Variants in YWHAQ observed in about 807,000 individuals in gnomAD.
The protein encoded by YWHAQ is 14-3-3 protein theta.
In YWHAQ, 6 loss-of-function variants were observed where a neutral mutation model predicts 28.3. The ratio of observed to expected loss-of-function variants is 0.21; its 90% CI spans 0.12 to 0.42. YWHAQ has a LOEUF of 0.42. Ranked by LOEUF, YWHAQ falls within the 10% of genes least tolerant of loss-of-function variation. The pLI is 1.00. For missense variants in YWHAQ, 201 were observed against 305.6 expected, an observed-to-expected ratio of 0.66 and a Z score of 2.55; for synonymous variants, 143 against 119.1, an observed-to-expected ratio of 1.20 and a Z score of -1.31.
At chr2:9,588,383 A>G in intron 3 of YWHAQ, 55 bp from the exon 4 acceptor site, 1 of 1,572,056 alleles carries the variant, frequency 6.4e-7, no homozygotes, top group Non-Finnish European at 8.6e-7. Context: ...TCCAGTACAC[A>G]GTACATTAAC....
At chr2:9,622,922 C>A (rs538891337) in intron 2 of YWHAQ, among the ~76,000 whole-genome samples, 1 of 152,268 alleles carries the variant, frequency 6.6e-6, no homozygotes, top group East Asian at 1.9e-4. Flanking sequence ...TCCCTGATAT[C>A]CAGAAAGTCA....
chr2:9,602,642 T>C lies in YWHAQ; in HGVS notation c.295-11127A>G, dbSNP rs1208399188. Among the ~76,000 whole-genome samples the C allele has an allele frequency of 3.3e-5, 5 of 150,638 alleles. No individual in the cohort carries two copies. The East Asian group carries it at 9.9e-4, about 30-fold the overall frequency. On this transcript the variant is annotated intron_variant, in intron 2 of 5. Coordinates refer to ENST00000238081, the MANE Select transcript of YWHAQ (RefSeq NM_006826.4). ...TTACTGCATCCTTGAACTCCTGGAC[T>C]CAAGGGATCCTCCCACCTTAGCCCT...
chr2:9,587,374 T>G (rs1409194056), intron 5 of YWHAQ, 40 bp downstream of exon 5: 2 of 1,554,930 alleles, frequency 1.3e-6, no homozygotes, highest in South Asian at 2.4e-5. Context: ...ATACTTTTGT[T>G]TCTGAAAAGA....
intron 2 of YWHAQ, among the ~76,000 whole-genome samples, chr2:9,593,183 CTTGT>C (rs1666491962): frequency 6.7e-6 from 1 of 150,174 alleles, no homozygotes; most frequent in Admixed American, 6.6e-5. Flanking sequence ...GAACTTTCTT[CTTGT>C]TTATCTGACT....
chr2:9,603,270 A>AT (rs149708531), intron 2 of YWHAQ, among the ~76,000 whole-genome samples: 1,677 of 128,724 alleles, frequency 0.013, 12 homozygotes, highest in Non-Finnish European at 0.018. Context: ...TCTCCCTTGA[A>AT]TTTTTTTTTT....
chr2:9,629,469 G>A (rs534491870), intron 2 of YWHAQ, among the ~76,000 whole-genome samples: 1 of 152,188 alleles, frequency 6.6e-6, no homozygotes, highest in African/African-American at 2.4e-5. Context: ...AACCTGGAAA[G>A]CTTTCCTTGT....
chr2:9,628,415 C>G (rs1667289359), intron 2 of YWHAQ, among the ~76,000 whole-genome samples: 1 of 152,178 alleles, frequency 6.6e-6, no homozygotes, highest in Admixed American at 6.5e-5. Flanking sequence ...CGACTTACGC[C>G]ATCATAAAAA....
chr2:9,594,877 T>G (rs555502835), intron 2 of YWHAQ, among the ~76,000 whole-genome samples: 2 of 152,324 alleles, frequency 1.3e-5, no homozygotes, highest in South Asian at 4.1e-4. Context: ...GCTAGATGTG[T>G]GGGTGTTCTC....
intron 5 of YWHAQ, among the ~76,000 whole-genome samples, chr2:9,586,351 G>C (rs1666343989): frequency 6.6e-6 from 1 of 152,160 alleles, no homozygotes; most frequent in Non-Finnish European, 1.5e-5. Flanking sequence ...CCAACAGCAA[G>C]ACATTAGTGT....
intron 2 of YWHAQ, among the ~76,000 whole-genome samples, chr2:9,629,297 C>G (rs550155040): frequency 4.6e-5 from 7 of 152,286 alleles, no homozygotes; most frequent in African/African-American, 1.4e-4. Flanking sequence ...TAAAAACACT[C>G]CTGGATATAA....
In YWHAQ at chr2:9,630,245, C is replaced by G; in HGVS notation, c.208G>C (p.Asp70His). 6.2e-7 allele frequency: 1 copy of G among 1,614,148 alleles called. No homozygotes were observed. The highest frequency in any genetic ancestry group is 8.5e-7 in the Non-Finnish European group (1 of 1,180,044). Residue 70 changes from aspartate (D) to histidine (H), a missense_variant, in exon 2 of 6, where the codon GAC becomes CAC. Coordinates refer to ENST00000238081, the MANE Select transcript of YWHAQ (RefSeq NM_006826.4). This position sits in a 1 kb window ranked among gnomAD's most constrained non-coding sequence, Gnocchi z 5.6. ...RVISSIEQKT[D>H]TSDKKLQLIK... The stretch of plus-strand genomic sequence containing the variant: ...AGCTGCAACTTCTTGTCGGAGGTGT[C>G]GGTCTTCTGCTCGATGCTAGAGATG...
chr2:9,592,569 CA>C (rs2125063306), intron 2 of YWHAQ, among the ~76,000 whole-genome samples: 1 of 151,786 alleles, frequency 6.6e-6, no homozygotes, highest in East Asian at 1.9e-4. Flanking sequence ...ACTAAAAATA[CA>C]AAAAATTAGC....
At chr2:9,629,001 A>G (rs1286458255) in intron 2 of YWHAQ, 1 of 105,384 alleles carries the variant, frequency 9.5e-6, no homozygotes, top group Non-Finnish European at 1.8e-5. Flanking sequence ...TTTTTAAACA[A>G]GGGGTGGGGA....
In YWHAQ at chr2:9,630,146, G is replaced by A; in HGVS notation, c.294+13C>T. The A allele has an allele frequency of 6.2e-7, 1 of 1,602,466 alleles. No individual in the cohort carries two copies. Among genetic ancestry groups the A allele is most frequent in the Non-Finnish European group, 8.5e-7 (1 of 1,171,306 alleles). The stretch of plus-strand genomic sequence containing the variant: ...ACAAAAGGCCTCCCCTGCTCCCCGC[G>A]CCGAGGACTCACCAGCACCGTGGTG... On this transcript the variant is annotated intron_variant, in intron 2 of 5. Coordinates refer to ENST00000238081, the MANE Select transcript of YWHAQ (RefSeq NM_006826.4). The surrounding 1 kb of genome is among the most constrained non-coding windows in gnomAD (Gnocchi z 5.6).
intron 2 of YWHAQ, among the ~76,000 whole-genome samples, chr2:9,591,768 T>C (rs937009837): frequency 5.3e-5 from 8 of 152,198 alleles, no homozygotes; most frequent in South Asian, 2.1e-4. Context: ...ACACCAAACA[T>C]TGTAATTTGA....
chr2:9,585,600 GCTTC>G (rs1318108072), intron 5 of YWHAQ, among the ~76,000 whole-genome samples: 5 of 152,138 alleles, frequency 3.3e-5, no homozygotes, highest in African/African-American at 1.2e-4. Context: ...TGGTTTTATA[GCTTC>G]CTTTTTATTT....
At position 9,630,595 on chromosome 2, in the gene YWHAQ, A is replaced by C; in HGVS notation, c.-82-61T>G. The C allele has an allele frequency of 4.0e-6, 3 of 756,448 alleles. No individual in the cohort carries two copies. Among genetic ancestry groups the C allele is most frequent in the South Asian group, 2.1e-5 (1 of 48,570 alleles). 46.9% of individuals were successfully genotyped at this position (756,448 alleles called of 1,614,324 possible). A position where few individuals can be genotyped will look rare whatever the true frequency, so the allele number is the denominator to read the frequency against. Reference sequence around the variant, plus strand: ...AGCAGAGAGGGAGCGCCGTCAGACAATGCGGCCCGCCGCCCGCTTTTGTCT... The same window carrying C: ...AGCAGAGAGGGAGCGCCGTCAGACACTGCGGCCCGCCGCCCGCTTTTGTCT... On this transcript the variant is annotated intron_variant, in intron 1 of 5. Coordinates refer to ENST00000238081, the MANE Select transcript of YWHAQ (RefSeq NM_006826.4). This position sits in a 1 kb window ranked among gnomAD's most constrained non-coding sequence, Gnocchi z 5.6.
At chr2:9,595,812 C>G (rs151053894) in intron 2 of YWHAQ, among the ~76,000 whole-genome samples, 56 of 151,908 alleles carry the variant, frequency 3.7e-4, no homozygotes, top group African/African-American at 1.3e-3. Context: ...CTTGTAAACT[C>G]GTTAGCAAAT....
chr2:9,629,585 T>C (rs1667316246), intron 2 of YWHAQ, among the ~76,000 whole-genome samples: 2 of 152,142 alleles, frequency 1.3e-5, no homozygotes, highest in South Asian at 4.1e-4. Context: ...GACATTGTGT[T>C]CTTCAGATAC....
Sources: allele counts gnomAD v4.1 joint callset (sites outside exome capture counted in the v4.1 genomes callset), GRCh38; gene constraint gnomAD v4.1.1; non-coding constraint Gnocchi (gnomAD v3.1); transcripts MANE v1.5; gene names NCBI Gene and HGNC (gene_info 2026-07-23, HGNC 2026-07-21).